The following BCAN variants were observed in gnomAD, a reference collection of about 807,000 sequenced individuals.
BCAN encodes brevican, also known as brevican core protein.
A neutral mutation model predicts 92.4 loss-of-function variants in BCAN; 51 were observed. That is an observed-to-expected ratio of 0.55 (90% CI 0.44 to 0.70). BCAN has a LOEUF of 0.70. BCAN is among the 30% of genes least tolerant of loss of function. The pLI is 0.00. For synonymous variants in BCAN, 501 were observed against 505.2 expected (o/e 0.99, Z 0.11); for missense variants, 1,140 against 1,212.1 (o/e 0.94, Z 0.88).
Position 156,656,374 on chromosome 1 carries a change from G to A in BCAN, c.2035G>A (p.Asp679Asn). The A allele has an allele frequency of 7.2e-7, 1 of 1,380,970 alleles. No individual in the cohort carries two copies. The highest frequency in any genetic ancestry group is 9.4e-7 in the Non-Finnish European group (1 of 1,064,252). 85.5% of individuals were successfully genotyped at this position (1,380,970 alleles called of 1,614,324 possible). A position where few individuals can be genotyped will look rare whatever the true frequency, so the allele number is the denominator to read the frequency against. ...RCLCLPGYGG[D>N]LCDVGLRFCN... ...CCTATGTCTGCCTGGCTATGGGGGG[G>A]ACCTGTGCGATGTTGGTGAGTGTTG... is the stretch of plus-strand genomic sequence containing the variant. The change falls in exon 9 of 14, where the codon GAC (aspartate) becomes AAC (asparagine). Residue 679 changes from aspartate (D) to asparagine (N), a missense_variant. Around this residue, in one of 3 missense-constraint regions of BCAN, gnomAD observed 825 missense variants for 871.8 expected, o/e 0.95. Coordinates refer to ENST00000329117, the MANE Select transcript of BCAN (RefSeq NM_021948.5).
In BCAN at chr1:156,642,775, T is replaced by C. The variant is rs1678832905; in HGVS notation, c.-9+500T>C. ...GTCGGAGTGCCCATTTCGGCTGGAATCCCAACTCGGCTCCTTGCTCTGTGA... is the reference window on the plus strand; with the variant it reads ...GTCGGAGTGCCCATTTCGGCTGGAACCCCAACTCGGCTCCTTGCTCTGTGA... On this transcript the variant is annotated intron_variant, in intron 1 of 13. Coordinates refer to ENST00000329117, the MANE Select transcript of BCAN (RefSeq NM_021948.5). This position sits in a 1 kb window ranked among gnomAD's most constrained non-coding sequence, Gnocchi z 4.2. The C allele has an allele frequency of 2.0e-5, 3 of 152,278 alleles. No individual in the cohort carries two copies. Among genetic ancestry groups the C allele is most frequent in the Non-Finnish European group, 2.9e-5 (2 of 68,074 alleles). The allele number at this position is 152,278 out of a possible 1,614,324, so 9.4% of individuals were successfully genotyped here.
chr1:156,649,691 A>T lies in BCAN; in HGVS notation c.1063+830A>T, dbSNP rs1679097816. On this transcript the variant is annotated intron_variant, in intron 6 of 13. Coordinates refer to ENST00000329117, the MANE Select transcript of BCAN (RefSeq NM_021948.5). ...GTGCTGGGATTTATAGGTGTGAGCC[A>T]CTGCACCCAAACCTGCCCATATCTT... is the stretch of plus-strand genomic sequence containing the variant. Among the ~76,000 whole-genome samples the T allele has an allele frequency of 2.0e-5, 3 of 152,240 alleles. No individual in the cohort carries two copies. In the South Asian group the frequency reaches 6.2e-4, roughly 32 times the overall value.
At chr1:156,648,163 C>A in intron 5 of BCAN, 53 bp downstream of exon 5, 1 of 1,596,428 alleles carries the variant, frequency 6.3e-7, no homozygotes, top group African/African-American at 1.3e-5. Context: ...CCATGCTGCC[C>A]ATAGGTCCTC....
At chr1:156,645,945 G>A in intron 1 of BCAN, 102 bp from the exon 2 acceptor site, 1 of 928,276 alleles carries the variant, frequency 1.1e-6, no homozygotes, top group Non-Finnish European at 1.6e-6. Context: ...GGGGACTTCT[G>A]GAGCCAGGAT....
At chr1:156,645,257 G>T (rs1349256330) in intron 1 of BCAN, among the ~76,000 whole-genome samples, 1 of 152,216 alleles carries the variant, frequency 6.6e-6, no homozygotes, top group Non-Finnish European at 1.5e-5. Context: ...GGCCAGACTG[G>T]CAGAGACAGG....
rs547754226 is a variant in BCAN at position 156,659,105 on chromosome 1, C to A, written c.2707C>A (p.Pro903Thr). 6.3e-6 allele frequency: 10 copies of A among 1,588,336 alleles called. No homozygotes were observed. The South Asian group carries it at 1.2e-4, about 18-fold the overall frequency. Reference sequence around the variant, plus strand: ...GGGACGCTGGAAGGCGCTGTTGATCCCCCCTTCCAGCCCCATGCCAGGTCC... The same window carrying A: ...GGGACGCTGGAAGGCGCTGTTGATCACCCCTTCCAGCCCCATGCCAGGTCC... ...LLGRWKALLI[P>T]PSSPMPGP is the part of the protein sequence containing the mutation. The change falls in exon 14 of 14, where the codon CCC becomes ACC. Residue 903 changes from proline to threonine, a missense_variant. Around this residue, in one of 3 missense-constraint regions of BCAN, gnomAD observed 825 missense variants for 871.8 expected, o/e 0.95. Transcript: ENST00000329117.
Position 156,656,980 on chromosome 1 carries a change from C to A in BCAN, c.2093C>A (p.Ala698Asp). 6.2e-7 allele frequency: 1 copy of A among 1,614,174 alleles called. No homozygotes were observed. The highest frequency in any genetic ancestry group is 8.5e-7 in the Non-Finnish European group (1 of 1,179,976). The change falls in exon 10 of 14, where the codon GCC (alanine) becomes GAC (aspartate). Residue 698 changes from alanine (A) to aspartate (D), a missense_variant. By Grantham distance (126) the Ala-to-Asp change is moderately radical. Coordinates refer to ENST00000329117, the MANE Select transcript of BCAN (RefSeq NM_021948.5). Reference sequence around the variant, plus strand: ...CCCGGCTGGGACGCCTTCCAGGGCGCCTGCTACAAGCACTTTTCCACACGA... The same window carrying A: ...CCCGGCTGGGACGCCTTCCAGGGCGACTGCTACAAGCACTTTTCCACACGA... The part of the protein sequence containing the change: ...CNPGWDAFQG[A>D]CYKHFSTRRS...
intron 8 of BCAN, chr1:156,653,188 G>C: frequency 7.3e-7 from 1 of 1,370,342 alleles, no homozygotes; most frequent in Non-Finnish European, 9.4e-7. Context: ...CAGCCCCACA[G>C]AGCATCCTCA....
intron 9 of BCAN, among the ~76,000 whole-genome samples, 188 bp downstream of exon 9, chr1:156,656,577 A>G (rs1420497672): frequency 6.6e-6 from 1 of 152,148 alleles, no homozygotes; most frequent in Non-Finnish European, 1.5e-5. Context: ...AATGCCTCTC[A>G]TAGGGGGTCC....
chr1:156,657,094 A>G lies in BCAN; in HGVS notation c.2207A>G (p.Asn736Ser), dbSNP rs746043789. 35 of 1,611,734 alleles carry G rather than the reference A, an allele frequency of 2.2e-5. No individual in the cohort carries two copies. The highest frequency in any genetic ancestry group is 2.5e-5 in the Non-Finnish European group (30 of 1,178,262). The change falls in exon 10 of 14, where the codon AAC becomes AGC. Residue 736 changes from asparagine to serine, a missense_variant and splice_region_variant. By Grantham distance (46) the Asn-to-Ser change is conservative (BLOSUM62 1). Coordinates refer to ENST00000329117, the MANE Select transcript of BCAN (RefSeq NM_021948.5). ...ACACCCGAGGAACAGGACTTCATCA[A>G]CAGTGGGCTGGGAGACAGGGCGGGA... ...ISTPEEQDFI[N>S]NRYREYQWIG...
In BCAN at chr1:156,658,177, A is replaced by G. The variant is rs115038203; in HGVS notation, c.2343A>G (p.Gly781=). Residue 781 remains glycine, a synonymous_variant, in exon 12 of 14, where the codon GGA becomes GGG. Transcript: ENST00000329117. This position sits in a 1 kb window ranked among gnomAD's most constrained non-coding sequence, Gnocchi z 4.4. The part of the protein sequence containing the change: ...PGQPDSYFLS[G]ENCVVMVWHD... Reference sequence around the variant, plus strand: ...AGCCTGACAGCTACTTCCTGTCTGGAGAGAACTGCGTGGTCATGGTGTGGC... The same window carrying G: ...AGCCTGACAGCTACTTCCTGTCTGGGGAGAACTGCGTGGTCATGGTGTGGC... 1.6e-4 allele frequency: 256 copies of G among 1,614,022 alleles called. No homozygotes were observed. The African/African-American group carries it at 3.1e-3, about 20-fold the overall frequency.
intron 6 of BCAN, among the ~76,000 whole-genome samples, 177 bp downstream of exon 6, chr1:156,649,038 G>A (rs1679076515): frequency 6.6e-6 from 1 of 152,116 alleles, no homozygotes; most frequent in Admixed American, 6.5e-5. Context: ...CCTCTGGTGT[G>A]GTGTCTGTCA....
intron 5 of BCAN, 128 bp downstream of exon 5, chr1:156,648,238 C>T: frequency 1.5e-6 from 2 of 1,296,204 alleles, no homozygotes; most frequent in Admixed American, 2.1e-5. Flanking sequence ...AGTAAGGAGA[C>T]AATTGGTGTC....
chr1:156,649,213 A>T (rs960943413), intron 6 of BCAN, among the ~76,000 whole-genome samples: 2 of 152,186 alleles, frequency 1.3e-5, no homozygotes, highest in African/African-American at 4.8e-5. Context: ...TCAATGAGTA[A>T]TCTGCCCAAG....
In BCAN at chr1:156,652,499, C is replaced by T; in HGVS notation, c.1549C>T (p.Pro517Ser). 1 of 1,609,626 alleles carries T rather than the reference C, an allele frequency of 6.2e-7. No individual in the cohort carries two copies. ...GGCGCCAGCAAGGGCAGTCCTGCAG[C>T]CTGGTGCATCACCACTTCCTGATGG... ...SQAPARAVLQ[P>S]GASPLPDGES... Residue 517 changes from proline to serine, a missense_variant, in exon 8 of 14, where the codon CCT (proline) becomes TCT (serine). Physicochemically the swap from Pro to Ser is moderately conservative, Grantham distance 74. Transcript: ENST00000329117.
chr1:156,656,498 C>T, intron 9 of BCAN, 109 bp downstream of exon 9: 1 of 879,114 alleles, frequency 1.1e-6, no homozygotes, highest in Non-Finnish European at 1.6e-6. Flanking sequence ...ATTAATGAGT[C>T]CCTGTTTTAG....
intron 9 of BCAN, 132 bp from the exon 10 acceptor site, chr1:156,656,806 T>G (rs1486434715): frequency 5.4e-6 from 7 of 1,287,676 alleles, no homozygotes; most frequent in Middle Eastern, 5.6e-4. Flanking sequence ...TACTAGCTCT[T>G]TTGCACCGCC....
At chr1:156,656,883 G>A (rs1485872685) in intron 9 of BCAN, 55 bp from the exon 10 acceptor site, 3 of 1,589,332 alleles carry the variant, frequency 1.9e-6, no homozygotes, top group Non-Finnish European at 2.6e-6. Flanking sequence ...CCCTTCCAGG[G>A]GACCTGGCCC....
chr1:156,656,296 A>T lies in BCAN; in HGVS notation c.1957A>T (p.Ser653Cys). The change falls in exon 9 of 14, where the codon AGC becomes TGC. Residue 653 changes from serine to cysteine, a missense_variant. Around this residue, in one of 3 missense-constraint regions of BCAN, gnomAD observed 825 missense variants for 871.8 expected, o/e 0.95. Coordinates refer to ENST00000329117, the MANE Select transcript of BCAN (RefSeq NM_021948.5). ...CCCCCTCTCAGGTGACTGTGTCCCCAGCCCCTGCCACAATGGTGGGACATG... is the reference window on the plus strand; with the variant it reads ...CCCCCTCTCAGGTGACTGTGTCCCCTGCCCCTGCCACAATGGTGGGACATG... ...VVPASGDCVPSPCHNGGTCLE... is the reference protein window; with the variant it reads ...VVPASGDCVPCPCHNGGTCLE... 1 of 1,455,446 alleles carries T rather than the reference A, an allele frequency of 6.9e-7. No homozygotes were observed. The highest frequency in any genetic ancestry group is 9.0e-7 in the Non-Finnish European group (1 of 1,112,426). The allele number at this position is 1,455,446 out of a possible 1,614,324, so 90.2% of individuals were successfully genotyped here. A position where few individuals can be genotyped will look rare whatever the true frequency, so the allele number is the denominator to read the frequency against.
Sources: gnomAD v4.1 joint callset for allele counts (sites outside exome capture counted in the v4.1 genomes callset) on GRCh38, gnomAD v4.1.1 for gene constraint, gnomAD v4.1.1 regional missense constraint, Gnocchi (gnomAD v3.1) non-coding constraint, MANE v1.5 for transcripts, NCBI Gene and HGNC (gene_info 2026-07-23, HGNC 2026-07-21) for gene names.